Variants in CACNB2 observed in about 807,000 individuals in gnomAD.
The protein encoded by CACNB2 is voltage-dependent L-type calcium channel subunit beta-2.
CACNB2 carries 42 observed loss-of-function variants against 73.3 expected under a neutral mutation model. That is an observed-to-expected ratio of 0.57 (90% confidence interval 0.45 to 0.74). The LOEUF (loss-of-function observed/expected upper bound fraction) is 0.74, where lower values mean the gene tolerates loss of function less well. CACNB2 is among the 30% of genes least tolerant of loss of function. CACNB2 has a pLI of 0.00. For synonymous variants in CACNB2, 348 were observed against 310.3 expected (o/e 1.12, Z -1.28); for missense variants, 940 against 853.0 (o/e 1.10, Z -1.27).
chr10:18,348,950 C>T (rs534112290), intron 2 of CACNB2, among the ~76,000 whole-genome samples: 1 of 152,270 alleles, frequency 6.6e-6, no homozygotes, highest in East Asian at 1.9e-4. Flanking sequence ...GAGACCCTGT[C>T]TCTACAAATA....
At chr10:18,149,334 A>G (rs373272967) in intron 1 of CACNB2, among the ~76,000 whole-genome samples, 18 of 152,362 alleles carry the variant, frequency 1.2e-4, no homozygotes, top group Admixed American at 3.9e-4. Context: ...AATAATGTTT[A>G]CACAAGTAAA....
intron 3 of CACNB2, among the ~76,000 whole-genome samples, chr10:18,456,180 A>G (rs1279127638): frequency 1.3e-5 from 2 of 152,070 alleles, no homozygotes; most frequent in Admixed American, 6.6e-5. Context: ...GAAACTTCCT[A>G]CTGATCTTGG....
intron 7 of CACNB2, chr10:18,515,137 C>A (rs2051149710): frequency 2.0e-6 from 2 of 992,862 alleles, no homozygotes; most frequent in Middle Eastern, 2.1e-4. Context: ...GACAGTGCAG[C>A]CAGTGGTCAT....
chr10:18,280,666 C>T (rs530089652), intron 2 of CACNB2, among the ~76,000 whole-genome samples: 7 of 152,318 alleles, frequency 4.6e-5, no homozygotes, highest in Non-Finnish European at 8.8e-5. Flanking sequence ...TCACTGTCTT[C>T]ACTACCAGTC....
intron 5 of CACNB2, among the ~76,000 whole-genome samples, chr10:18,505,133 A>C (rs1304847512): frequency 6.6e-6 from 1 of 152,092 alleles, no homozygotes; most frequent in African/African-American, 2.4e-5. Context: ...GGTCATTGTC[A>C]CCATTTGCAG....
chr10:18,261,869 T>A (rs190375732), intron 2 of CACNB2: 10 of 510,774 alleles, frequency 2.0e-5, no homozygotes, highest in Admixed American at 9.9e-5. Context: ...TGCTGTGTTT[T>A]GCAAAATGGC....
intron 2 of CACNB2, among the ~76,000 whole-genome samples, chr10:18,348,002 A>G (rs1208521224): frequency 2.6e-5 from 4 of 152,164 alleles, no homozygotes; most frequent in Admixed American, 2.0e-4. Context: ...CATTCTTTTA[A>G]AAAACGTGTA....
chr10:18,314,690 T>C (rs1471776798), intron 2 of CACNB2, among the ~76,000 whole-genome samples: 1 of 152,086 alleles, frequency 6.6e-6, no homozygotes, highest in Non-Finnish European at 1.5e-5. Context: ...AAACATTTTT[T>C]CATACACATG....
rs140366607 is a variant in CACNB2 at position 18,203,099 on chromosome 10, C to A, written c.213+52124C>A. Among the ~76,000 whole-genome samples the A allele has an allele frequency of 1.6e-3, 245 of 152,256 alleles. 1 individual carries two copies. The highest frequency in any genetic ancestry group is 5.8e-3 in the African/African-American group (239 of 41,564). On this transcript the variant is annotated intron_variant, in intron 2 of 13. Transcript: ENST00000324631. ...AGGTTTCTGCAATATTCTGCAGTAC[C>A]TCATGGGTACAAAAGAGACACAGGA...
intron 1 of CACNB2, among the ~76,000 whole-genome samples, chr10:18,149,375 G>A (rs895034980): frequency 6.6e-6 from 1 of 152,062 alleles, no homozygotes; most frequent in Non-Finnish European, 1.5e-5. Flanking sequence ...GGACAACCTT[G>A]TATATTACAT....
chr10:18,276,641 T>A (rs1294188454), intron 2 of CACNB2, among the ~76,000 whole-genome samples: 2 of 152,052 alleles, frequency 1.3e-5, no homozygotes, highest in Non-Finnish European at 2.9e-5. Flanking sequence ...TGAAGTGGTG[T>A]GATCTTGGCC....
intron 2 of CACNB2, among the ~76,000 whole-genome samples, chr10:18,357,117 G>A (rs886312088): frequency 7.3e-4 from 109 of 149,968 alleles, no homozygotes; most frequent in Non-Finnish European, 1.3e-3. Flanking sequence ...GCTAATTTTT[G>A]TATTTTTAGT....
At chr10:18,219,863 G>A (rs1054111147) in intron 2 of CACNB2, among the ~76,000 whole-genome samples, 3 of 149,976 alleles carry the variant, frequency 2.0e-5, no homozygotes, top group Non-Finnish European at 4.4e-5. Context: ...TCCACCTCCC[G>A]AGTTGAAGCA....
intron 2 of CACNB2, among the ~76,000 whole-genome samples, chr10:18,356,726 G>A (rs1354490923): frequency 6.6e-6 from 1 of 151,788 alleles, no homozygotes; most frequent in Non-Finnish European, 1.5e-5. Context: ...GACCTCGAGG[G>A]CTCAAGCAAT....
chr10:18,399,032 G>C (rs1455316440), intron 2 of CACNB2, among the ~76,000 whole-genome samples: 1 of 152,204 alleles, frequency 6.6e-6, no homozygotes, highest in Non-Finnish European at 1.5e-5. Flanking sequence ...ACAAAATTAT[G>C]TGTGGGTGTT....
At chr10:18,339,883 T>A (rs989367971) in intron 2 of CACNB2, among the ~76,000 whole-genome samples, 12 of 152,234 alleles carry the variant, frequency 7.9e-5, no homozygotes, top group African/African-American at 2.9e-4. Flanking sequence ...TGACTGAGCT[T>A]GACTGTGGGC....
intron 3 of CACNB2, among the ~76,000 whole-genome samples, chr10:18,491,326 A>G (rs1015839065): frequency 6.6e-6 from 1 of 152,176 alleles, no homozygotes; most frequent in African/African-American, 2.4e-5. Flanking sequence ...GCTCACACCT[A>G]TAATCTCAGC....
At chr10:18,275,561 C>G (rs1037649177) in intron 2 of CACNB2, among the ~76,000 whole-genome samples, 4 of 152,068 alleles carry the variant, frequency 2.6e-5, no homozygotes, top group African/African-American at 9.7e-5. Context: ...CACACGTTTA[C>G]CTATGTAATG....
intron 2 of CACNB2, among the ~76,000 whole-genome samples, chr10:18,370,214 G>A (rs17539088): frequency 0.29 from 44,545 of 152,170 alleles, 6,979 homozygotes; most frequent in East Asian, 0.67. Flanking sequence ...ACTCCTTTCT[G>A]TACAAAATGT....
Sources: gnomAD v4.1 joint callset for allele counts (sites outside exome capture counted in the v4.1 genomes callset) on GRCh38, gnomAD v4.1.1 for gene constraint, MANE v1.5 for transcripts, NCBI Gene and HGNC (gene_info 2026-07-23, HGNC 2026-07-21) for gene names.